The following PCDHGB4 variants were observed in gnomAD, a reference collection of about 807,000 sequenced individuals.
The protein encoded by PCDHGB4 is protocadherin gamma subfamily B, 4, also known as protocadherin gamma-B4.
PCDHGB4 carries 38 observed loss-of-function variants against 60.5 expected under a neutral mutation model. That is an observed-to-expected ratio of 0.63 (90% CI 0.48 to 0.82). PCDHGB4 has a LOEUF of 0.82. Ranked by LOEUF, PCDHGB4 falls within the 40% of genes least tolerant of loss-of-function variation. PCDHGB4 has a pLI of 0.00. For missense variants in PCDHGB4, 1,109 were observed against 1,209.6 expected, an observed-to-expected ratio of 0.92 and a Z score of 1.23; for synonymous variants, 456 against 509.7, an observed-to-expected ratio of 0.89 and a Z score of 1.42.
chr5:141,422,239 G>C (rs2096636040), intron 1 of PCDHGB4: 3 of 1,566,586 alleles, frequency 1.9e-6, no homozygotes, highest in East Asian at 4.5e-5. Context: ...GTTGATCACT[G>C]TTGTGGATGT....
In PCDHGB4 at chr5:141,432,845, G is replaced by A. The variant is rs1299464282; in HGVS notation, c.2397+42564G>A. The A allele has an allele frequency of 1.2e-6, 2 of 1,614,076 alleles. No individual in the cohort carries two copies. The highest frequency in any genetic ancestry group is 8.5e-7 in the Non-Finnish European group (1 of 1,180,024). ...AGACCTCACTCTGTACCTGGTGGTA[G>A]CGGTGGCCGCGGTCTCCTGCGTCTT... On this transcript the variant is annotated intron_variant, in intron 1 of 3. Coordinates refer to ENST00000519479, the MANE Select transcript of PCDHGB4 (RefSeq NM_003736.4). This position sits in a 1 kb window ranked among gnomAD's most constrained non-coding sequence, Gnocchi z 6.0.
chr5:141,428,513 AAAG>A (rs891793310), intron 1 of PCDHGB4: 2 of 280,938 alleles, frequency 7.1e-6, no homozygotes, highest in Non-Finnish European at 1.4e-5. Context: ...GATTCTAGAA[AAAG>A]AAGATTTAAT....
intron 1 of PCDHGB4, among the ~76,000 whole-genome samples, chr5:141,480,216 C>T (rs1055544952): frequency 1.9e-4 from 28 of 147,036 alleles, no homozygotes; most frequent in Non-Finnish European, 3.6e-4. Flanking sequence ...CCAGCCTGAG[C>T]GACATAGTGA....
At chr5:141,483,186 A>G (rs2099578047) in intron 1 of PCDHGB4, among the ~76,000 whole-genome samples, 1 of 152,174 alleles carries the variant, frequency 6.6e-6, no homozygotes, top group Non-Finnish European at 1.5e-5. Flanking sequence ...CAAGCCAAGG[A>G]GTTTTTATTT....
chr5:141,431,748 G>T lies in PCDHGB4; in HGVS notation c.2397+41467G>T. 1 of 1,614,196 alleles carries T rather than the reference G, an allele frequency of 6.2e-7. No homozygotes were observed. Among genetic ancestry groups the T allele is most frequent in the Non-Finnish European group, 8.5e-7 (1 of 1,180,042 alleles). Reference sequence around the variant, plus strand: ...ATGGATAATGCAGGATATTCTGCGCGAGCCAAAGTCCTGATCACTGTTCTG... The same window carrying T: ...ATGGATAATGCAGGATATTCTGCGCTAGCCAAAGTCCTGATCACTGTTCTG... On this transcript the variant is annotated intron_variant, in intron 1 of 3. Transcript: ENST00000519479. This position sits in a 1 kb window ranked among gnomAD's most constrained non-coding sequence, Gnocchi z 4.8.
At chr5:141,498,971 G>A (rs866066098) in intron 2 of PCDHGB4, among the ~76,000 whole-genome samples, 16 of 111,052 alleles carry the variant, frequency 1.4e-4, no homozygotes, top group African/African-American at 2.5e-4. Context: ...GAGGGAGGGA[G>A]GGAAGGAAGG....
chr5:141,432,196 C>G lies in PCDHGB4; in HGVS notation c.2397+41915C>G, dbSNP rs200790843. ...TCGTCTCTGTGACCGCCCACGACCC[C>G]GACTGTGAAGAGAACGCCCAGATCA... On this transcript the variant is annotated intron_variant, in intron 1 of 3. Transcript: ENST00000519479. The surrounding 1 kb of genome is among the most constrained non-coding windows in gnomAD (Gnocchi z 6.0). The G allele has an allele frequency of 6.2e-7, 1 of 1,614,192 alleles. No individual in the cohort carries two copies. Among genetic ancestry groups the G allele is most frequent in the East Asian group, 2.2e-5 (1 of 44,880 alleles).
intron 2 of PCDHGB4, among the ~76,000 whole-genome samples, chr5:141,500,587 C>T (rs1418158417): frequency 6.6e-5 from 10 of 152,170 alleles, no homozygotes; most frequent in South Asian, 2.1e-4. Flanking sequence ...ACACTTTATT[C>T]ACATATTAAG....
Position 141,476,116 on chromosome 5 carries a change from G to C in PCDHGB4, c.2398-18691G>C, listed in dbSNP as rs367958555. On this transcript the variant is annotated intron_variant, in intron 1 of 3. Transcript: ENST00000519479. The surrounding 1 kb of genome is among the most constrained non-coding windows in gnomAD (Gnocchi z 7.6). ...GCTGAGAGGAACTGCTTTTGAGTGA[G>C]ATGGTCCCAGAGGCCTGGAGGAGCG... 504 of 1,593,954 alleles carry C rather than the reference G, an allele frequency of 3.2e-4. No individual in the cohort carries two copies. Among genetic ancestry groups the C allele is most frequent in the Non-Finnish European group, 4.1e-4 (479 of 1,172,292 alleles).
chr5:141,423,156 C>G, intron 1 of PCDHGB4: 1 of 1,613,388 alleles, frequency 6.2e-7, no homozygotes, highest in Non-Finnish European at 8.5e-7. Flanking sequence ...AGCAGAGCCT[C>G]GTGGTGGCCG....
intron 1 of PCDHGB4, among the ~76,000 whole-genome samples, chr5:141,470,360 T>G (rs1554150725): frequency 6.6e-6 from 1 of 152,142 alleles, no homozygotes; most frequent in Non-Finnish European, 1.5e-5. Context: ...ATAGACACAT[T>G]AGGTTGAATG....
intron 1 of PCDHGB4, chr5:141,394,006 T>C (rs753433160): frequency 3.1e-6 from 5 of 1,613,358 alleles, no homozygotes; most frequent in Non-Finnish European, 3.4e-6. Context: ...GAAAAGTCAA[T>C]AGGTAATTAT....
chr5:141,466,494 G>C (rs1186331329), intron 1 of PCDHGB4, among the ~76,000 whole-genome samples: 4 of 152,134 alleles, frequency 2.6e-5, no homozygotes. Context: ...TCTTTAATTA[G>C]AGCACAGACA....
chr5:141,421,082 C>A, intron 1 of PCDHGB4: 1 of 640,114 alleles, frequency 1.6e-6, no homozygotes, highest in Non-Finnish European at 2.6e-6. Flanking sequence ...TGGATACTCA[C>A]AGATCCTGAC....
Position 141,510,979 on chromosome 5 carries a change from G to A in PCDHGB4, c.2578G>A (p.Gly860Ser). 6.2e-7 allele frequency: 1 copy of A among 1,614,156 alleles called. No homozygotes were observed. The highest frequency in any genetic ancestry group is 8.5e-7 in the Non-Finnish European group (1 of 1,180,018). Reference sequence around the variant, plus strand: ...TGATGGGAGCTCCACCCTGGGAGGGGGTGCCGGCACCATGGGATTGAGCGC... The same window carrying A: ...TGATGGGAGCTCCACCCTGGGAGGGAGTGCCGGCACCATGGGATTGAGCGC... ...AADGSSTLGG[G>S]AGTMGLSARY... The change falls in exon 4 of 4, where the codon GGT becomes AGT. Residue 860 changes from glycine (G) to serine (S), a missense_variant. Physicochemically the swap from Gly to Ser is moderately conservative, Grantham distance 56. This residue lies in a region of PCDHGB4 where 1,068 missense variants were observed against 1,089.9 expected (regional missense o/e 0.98). Transcript: ENST00000519479.
Position 141,485,715 on chromosome 5 carries a change from A to G in PCDHGB4, c.2398-9092A>G. The G allele has an allele frequency of 6.2e-7, 1 of 1,614,114 alleles. No homozygotes were observed. Among genetic ancestry groups the G allele is most frequent in the Non-Finnish European group, 8.5e-7 (1 of 1,180,012 alleles). On this transcript the variant is annotated intron_variant, in intron 1 of 3. Transcript: ENST00000519479. The surrounding 1 kb of genome is among the most constrained non-coding windows in gnomAD (Gnocchi z 5.7). ...AGCTCCAATGAACACTTTGCACTGGATGTGAAGAAGCGCAGCGACGGCAGC... is the reference window on the plus strand; with the variant it reads ...AGCTCCAATGAACACTTTGCACTGGGTGTGAAGAAGCGCAGCGACGGCAGC...
intron 1 of PCDHGB4, chr5:141,421,871 CT>C: frequency 6.2e-7 from 1 of 1,613,756 alleles, no homozygotes; most frequent in Non-Finnish European, 8.5e-7. Flanking sequence ...CTCCTCACAG[CT>C]TTAGATGGAG....
intron 1 of PCDHGB4, among the ~76,000 whole-genome samples, chr5:141,448,813 C>T (rs1020956433): frequency 2.0e-5 from 3 of 151,800 alleles, no homozygotes; most frequent in Admixed American, 1.3e-4. Context: ...GGCGTGATGG[C>T]GGGCGCCTGT....
intron 1 of PCDHGB4, 108 bp downstream of exon 1, chr5:141,390,389 G>C: frequency 7.1e-7 from 1 of 1,405,538 alleles, no homozygotes; most frequent in Non-Finnish European, 9.7e-7. Context: ...AGATGTCATG[G>C]ATCATTTTAG....
Sources: gnomAD v4.1 joint callset for allele counts (sites outside exome capture counted in the v4.1 genomes callset) on GRCh38, gnomAD v4.1.1 for gene constraint, gnomAD v4.1.1 regional missense constraint, Gnocchi (gnomAD v3.1) non-coding constraint, MANE v1.5 for transcripts, NCBI Gene and HGNC (gene_info 2026-07-23, HGNC 2026-07-21) for gene names.